The following CCDC136 variants were observed in gnomAD, a reference collection of about 807,000 sequenced individuals.
The protein encoded by CCDC136 is coiled-coil domain-containing protein 136.
In CCDC136, 100 loss-of-function variants were observed where a neutral mutation model predicts 141.2. The observed-to-expected ratio is 0.71, with a 90% confidence interval of 0.60 to 0.84. The LOEUF (loss-of-function observed/expected upper bound fraction) is 0.84, where lower values mean the gene tolerates loss of function less well. Among genes scored for constraint, CCDC136 ranks in the 40% least tolerant of loss-of-function variants. The probability of loss-of-function intolerance (pLI) is 0.00; values close to 1 mark genes in which losing one functional copy is unlikely to be tolerated. For synonymous variants in CCDC136, 474 were observed against 531.9 expected, an observed-to-expected ratio of 0.89 and a Z score of 1.50; for missense variants, 1,206 against 1,379.4, an observed-to-expected ratio of 0.87 and a Z score of 1.99.
chr7:128,795,763 A>T, intron 3 of CCDC136, among the ~76,000 whole-genome samples: 1 of 152,140 alleles, frequency 6.6e-6, no homozygotes, highest in Non-Finnish European at 1.5e-5. Context: ...GTCATTTCTT[A>T]TCTGTAAAAT....
At chr7:128,815,555 T>G in intron 15 of CCDC136, 59 bp from the exon 16 acceptor site, 221 of 1,483,382 alleles carry the variant, frequency 1.5e-4, no homozygotes, top group Middle Eastern at 2.4e-4. Flanking sequence ...AGCATTGTCA[T>G]GAGATTAGGA....
chr7:128,794,777 C>T lies in CCDC136; in HGVS notation c.346+9C>T. ...GATCCAGCAGCTCCAAGGTAATTCCCAGGACTTGGACTGGAGGGAGGTGGC... is the reference window on the plus strand; with the variant it reads ...GATCCAGCAGCTCCAAGGTAATTCCTAGGACTTGGACTGGAGGGAGGTGGC... On this transcript the variant is annotated intron_variant, in intron 3 of 17. Coordinates refer to ENST00000297788, the MANE Select transcript of CCDC136 (RefSeq NM_022742.5). This position sits in a 1 kb window ranked among gnomAD's most constrained non-coding sequence, Gnocchi z 4.3. 5 of 1,550,772 alleles carry T rather than the reference C, an allele frequency of 3.2e-6. No individual in the cohort carries two copies. The highest frequency in any genetic ancestry group is 3.5e-6 in the Non-Finnish European group (4 of 1,146,150).
Position 128,811,985 on chromosome 7 carries a change from A to C in CCDC136, c.2214A>C (p.Lys738Asn). ...QLLQVQSPSIKMSLESYGKSY... is the reference protein window; with the variant it reads ...QLLQVQSPSINMSLESYGKSY... ...TTCAAGTCCAGTCCCCTTCTATAAA[A>C]ATGAGCCTTGAGTCCTACGGGAAGA... The change falls in exon 13 of 18, where the codon AAA (lysine) becomes AAC (asparagine). Residue 738 changes from lysine (K) to asparagine (N), a missense_variant. Physicochemically the swap from Lys to Asn is moderately conservative, Grantham distance 94. Transcript: ENST00000297788. 2 of 1,614,016 alleles carry C rather than the reference A, an allele frequency of 1.2e-6. No homozygotes were observed. Among genetic ancestry groups the C allele is most frequent in the Non-Finnish European group, 1.7e-6 (2 of 1,179,880 alleles).
chr7:128,806,168 C>G (rs745905474), intron 7 of CCDC136, 69 bp from the exon 8 acceptor site: 13 of 1,394,470 alleles, frequency 9.3e-6, no homozygotes, highest in Non-Finnish European at 1.3e-5. Context: ...AAAAGGAACC[C>G]AACTGATCCG....
chr7:128,815,955 C>T (rs762121417), intron 16 of CCDC136, 24 bp downstream of exon 16: 2 of 1,591,392 alleles, frequency 1.3e-6, no homozygotes, highest in Non-Finnish European at 1.7e-6. Context: ...AAGCCTAGAT[C>T]AAGTGGGAAG....
At chr7:128,809,993 C>G (rs892554052) in intron 11 of CCDC136, 146 bp from the exon 12 acceptor site, 2 of 611,740 alleles carry the variant, frequency 3.3e-6, no homozygotes, top group East Asian at 5.5e-5. Context: ...CATAGAAGGG[C>G]TCCCCCGTCC....
chr7:128,792,037 C>T lies in CCDC136; in HGVS notation c.-375C>T, dbSNP rs1210835180. On this transcript the variant is annotated 5_prime_UTR_variant, in exon 1 of 18. Coordinates refer to ENST00000297788, the MANE Select transcript of CCDC136 (RefSeq NM_022742.5). ...GCTCCCGCCCTCTTTCAGTCTTGGC[C>T]CTCTCCTCCCTGTCCCCCCGGACTA... 20 of 1,260,076 alleles carry T rather than the reference C, an allele frequency of 1.6e-5. No individual in the cohort carries two copies. The allele number at this position is 1,260,076 out of a possible 1,614,324, so 78.1% of individuals were successfully genotyped here.
At position 128,812,282 on chromosome 7, in the gene CCDC136, CGAG is replaced by C. The variant is rs1275859212; in HGVS notation, c.2514_2516del (p.Glu839del). The C allele has an allele frequency of 1.2e-6, 2 of 1,612,802 alleles. No individual in the cohort carries two copies. The highest frequency in any genetic ancestry group is 2.2e-5 in the East Asian group (1 of 44,872). The stretch of plus-strand genomic sequence containing the variant: ...AGAGTTTTGTCAGCAGCTGCACTGA[CGAG>C]GAACCTGCTGAGCCTGAAGACATGG... On this transcript the variant is annotated inframe_deletion, in exon 13 of 18. Transcript: ENST00000297788.
chr7:128,800,365 A>C (rs1247365250), intron 3 of CCDC136, among the ~76,000 whole-genome samples: 7 of 152,124 alleles, frequency 4.6e-5, no homozygotes, highest in Non-Finnish European at 8.8e-5. Context: ...ATCTTGGCTC[A>C]CAGCAACCTC....
At chr7:128,800,414 C>T (rs895204889) in intron 3 of CCDC136, among the ~76,000 whole-genome samples, 1 of 152,084 alleles carries the variant, frequency 6.6e-6, no homozygotes, top group African/African-American at 2.4e-5. Context: ...TCTCAGCCTC[C>T]CAAGTAGCTG....
Position 128,805,579 on chromosome 7 carries a change from CT to C in CCDC136, c.948+56del. On this transcript the variant is annotated intron_variant, in intron 6 of 17. Transcript: ENST00000297788. This position sits in a 1 kb window ranked among gnomAD's most constrained non-coding sequence, Gnocchi z 4.6. ...ACATTTCTTGTCTTTCTTTCACCTTCTCCCAGCCTGTGGTAGAAACATCTCC... is the reference window on the plus strand; with the variant it reads ...ACATTTCTTGTCTTTCTTTCACCTTCCCCAGCCTGTGGTAGAAACATCTCC... The C allele has an allele frequency of 1.3e-6, 2 of 1,560,718 alleles. No homozygotes were observed. Among genetic ancestry groups the C allele is most frequent in the Non-Finnish European group, 1.7e-6 (2 of 1,149,950 alleles).
Position 128,801,655 on chromosome 7 carries a change from G to A in CCDC136, c.670+146G>A, listed in dbSNP as rs1325165105. 4.8e-6 allele frequency: 3 copies of A among 624,186 alleles called. No individual in the cohort carries two copies. In the East Asian group the frequency reaches 8.5e-5, roughly 18 times the overall value. 38.7% of individuals were successfully genotyped at this position (624,186 alleles called of 1,614,324 possible). Reference sequence around the variant, plus strand: ...TGAATTCAAGACTGTAGGGGTCCAGGCGTGATGGCTCATGCCTGTAATCCC... The same window carrying A: ...TGAATTCAAGACTGTAGGGGTCCAGACGTGATGGCTCATGCCTGTAATCCC... On this transcript the variant is annotated intron_variant, in intron 4 of 17. Transcript: ENST00000297788.
rs563747115 is a variant in CCDC136 at position 128,817,053 on chromosome 7, T to G, written c.3364-705T>G. 6.6e-6 allele frequency among the ~76,000 whole-genome samples: 1 copy of G among 152,336 alleles called. No homozygotes were observed. Among genetic ancestry groups the G allele is most frequent in the African/African-American group, 2.4e-5 (1 of 41,574 alleles). On this transcript the variant is annotated intron_variant, in intron 16 of 17. Transcript: ENST00000297788. The surrounding 1 kb of genome is among the most constrained non-coding windows in gnomAD (Gnocchi z 4.6). ...CTGGTTCAGAGCCTCACAGATGTCT[T>G]TACCTTCGGTGCCACATTTCTAAAG...
intron 17 of CCDC136, among the ~76,000 whole-genome samples, chr7:128,818,527 GC>G (rs968444023): frequency 4.6e-5 from 7 of 152,352 alleles, no homozygotes; most frequent in African/African-American, 1.4e-4. Flanking sequence ...AGAACAGAAT[GC>G]CGGGAAATTT....
Position 128,812,721 on chromosome 7 carries a change from T to TG in CCDC136, c.2557dup (p.Val853GlyfsTer47), listed in dbSNP as rs1805963821. 6.2e-7 allele frequency: 1 copy of TG among 1,612,126 alleles called. No homozygotes were observed. Among genetic ancestry groups the TG allele is most frequent in the Non-Finnish European group, 8.5e-7 (1 of 1,179,486 alleles). On this transcript the variant is annotated frameshift_variant, in exon 14 of 18. Transcript: ENST00000297788. LOFTEE classifies it high-confidence loss of function. ...CACCCCCCGCAGCGCTTTGAGGAAA[T>TG]GGTTGTGAAAGTGCTGATCAAGCTG...
In CCDC136 at chr7:128,794,337, G is replaced by A; in HGVS notation, c.17-11G>A. On this transcript the variant is annotated splice_polypyrimidine_tract_variant and intron_variant, in intron 1 of 17. Transcript: ENST00000297788. This position sits in a 1 kb window ranked among gnomAD's most constrained non-coding sequence, Gnocchi z 4.3. ...ATGCTGACTCCTTGGTGGGATGGCT[G>A]TGTCTCCTAGGGGAGGTGTTACTCC... 13 of 1,552,110 alleles carry A rather than the reference G, an allele frequency of 8.4e-6. No homozygotes were observed. The highest frequency in any genetic ancestry group is 1.1e-5 in the Non-Finnish European group (13 of 1,147,084).
intron 1 of CCDC136, among the ~76,000 whole-genome samples, chr7:128,792,894 C>G (rs1286545895): frequency 1.3e-5 from 2 of 152,184 alleles, no homozygotes; most frequent in African/African-American, 4.8e-5. Flanking sequence ...AAAGAGAGAG[C>G]CTAGGAGGGG....
chr7:128,820,034 T>G (rs367808201), intron 17 of CCDC136, among the ~76,000 whole-genome samples: 92 of 152,348 alleles, frequency 6.0e-4, no homozygotes, highest in African/African-American at 2.1e-3. Context: ...TAGTTCATTG[T>G]TCTTACCTTA....
At chr7:128,813,746 C>A (rs768003258) in intron 14 of CCDC136, among the ~76,000 whole-genome samples, 1 of 152,046 alleles carries the variant, frequency 6.6e-6, no homozygotes, top group Non-Finnish European at 1.5e-5. Context: ...TTTGGGAGGC[C>A]GAGGCGGGTG....
Sources: gnomAD v4.1 joint callset for allele counts (sites outside exome capture counted in the v4.1 genomes callset) on GRCh38, gnomAD v4.1.1 for gene constraint, Gnocchi (gnomAD v3.1) non-coding constraint, MANE v1.5 for transcripts, NCBI Gene and HGNC (gene_info 2026-07-23, HGNC 2026-07-21) for gene names.